Variants in CYP11B1 observed in about 807,000 individuals in gnomAD.
The protein encoded by CYP11B1 is cytochrome P450 11B1, mitochondrial.
Under a neutral mutation model 48.3 loss-of-function variants are expected in CYP11B1, and 34 were observed. The observed-to-expected ratio is 0.70, with a 90% CI of 0.54 to 0.94. The LOEUF is 0.94. Ranked by LOEUF, CYP11B1 falls within the 40% of genes least tolerant of loss-of-function variation. CYP11B1 has a pLI of 0.00. For synonymous variants in CYP11B1, 291 were observed against 262.5 expected, an observed-to-expected ratio of 1.11 and a Z score of -1.05; for missense variants, 688 against 657.4, an observed-to-expected ratio of 1.05 and a Z score of -0.51.
In CYP11B1 at chr8:142,876,287, G is replaced by A. The variant is rs1554652916; in HGVS notation, c.908C>T (p.Ala303Val). The change falls in exon 5 of 9, where the codon GCC (alanine) becomes GTC (valine). Residue 303 changes from alanine to valine, a missense_variant. Physicochemically the swap from Ala to Val is moderately conservative, Grantham distance 64. Transcript: ENST00000292427. ...LLLNAELSPD[A>V]IKANSMELTA... ...GAGTTCCATAGAGTTGGCCTTGATGGCATCTGGCGACAGTTCCGCATTCAA... is the reference window on the plus strand; with the variant it reads ...GAGTTCCATAGAGTTGGCCTTGATGACATCTGGCGACAGTTCCGCATTCAA... The A allele has an allele frequency of 3.1e-6, 5 of 1,614,230 alleles. No homozygotes were observed. Among genetic ancestry groups the A allele is most frequent in the Non-Finnish European group, 3.4e-6 (4 of 1,180,040 alleles).
At chr8:142,877,764 CAG>C (rs1563870080) in intron 2 of CYP11B1, 1 of 1,597,998 alleles carries the variant, frequency 6.3e-7, no homozygotes, top group South Asian at 1.1e-5. Context: ...CACCTACAGC[CAG>C]AGTGCGTGGG....
chr8:142,879,090 G>C lies in CYP11B1; in HGVS notation c.337C>G (p.Leu113Val). Reference protein sequence around the residue: ...VDSLHPHRMSLEPWVAYRQHR... With the variant: ...VDSLHPHRMSVEPWVAYRQHR... ...TGTCTGTAGGCCACCCAGGGCTCCA[G>C]GCTCATCCTGTGGGGATGCAGGCTG... The change falls in exon 2 of 9, where the codon CTG (leucine) becomes GTG (valine). Residue 113 changes from leucine to valine, a missense_variant. Transcript: ENST00000292427. The C allele has an allele frequency of 6.2e-7, 1 of 1,614,022 alleles. No individual in the cohort carries two copies. Among genetic ancestry groups the C allele is most frequent in the Non-Finnish European group, 8.5e-7 (1 of 1,179,874 alleles).
At chr8:142,876,083 A>G in intron 5 of CYP11B1, 158 bp downstream of exon 5, 2 of 1,208,314 alleles carry the variant, frequency 1.7e-6, no homozygotes, top group Non-Finnish European at 2.4e-6. Context: ...AACCATGGCA[A>G]CCTGCAAACG....
intron 6 of CYP11B1, 60 bp downstream of exon 6, chr8:142,875,652 A>G (rs1435015109): frequency 6.3e-7 from 1 of 1,584,056 alleles, no homozygotes; most frequent in African/African-American, 1.3e-5. Flanking sequence ...GCCACCACCC[A>G]GTGGGGGCTG....
In CYP11B1 at chr8:142,873,679, A is replaced by G. The variant is rs5303; in HGVS notation, c.*694T>C. ...CAGCACAGGAAGCAGAGGACCCAAC[A>G]CCCACTCCTGGAACAAGGCCTGGTC... On this transcript the variant is annotated 3_prime_UTR_variant, in exon 9 of 9. Coordinates refer to ENST00000292427, the MANE Select transcript of CYP11B1 (RefSeq NM_000497.4). 0.66 allele frequency: 101,026 copies of G among 154,022 alleles called. 33,973 individuals carry two copies. Among genetic ancestry groups the G allele is most frequent in the East Asian group, 0.85 (4,382 of 5,172 alleles). The allele number at this position is 154,022 out of a possible 1,614,324, so 9.5% of individuals were successfully genotyped here. A position where few individuals can be genotyped will look rare whatever the true frequency, so the allele number is the denominator to read the frequency against.
Position 142,874,411 on chromosome 8 carries a change from T to C in CYP11B1, c.1474A>G (p.Ser492Gly). Residue 492 changes from serine to glycine, a missense_variant, in exon 9 of 9, where the codon AGC becomes GGC. Ser to Gly is a moderately conservative substitution (Grantham distance 56, BLOSUM62 0). Transcript: ENST00000292427. ...KMVYSFILRP[S>G]MFPLLTFRAI... ...CTGAAGGTGAGGAGGGGGAACATGCTGGGCCTCAATATGAAGCTGTAGACC... is the reference window on the plus strand; with the variant it reads ...CTGAAGGTGAGGAGGGGGAACATGCCGGGCCTCAATATGAAGCTGTAGACC... 2 of 1,614,044 alleles carry C rather than the reference T, an allele frequency of 1.2e-6. No homozygotes were observed. The highest frequency in any genetic ancestry group is 1.7e-6 in the Non-Finnish European group (2 of 1,179,934).
chr8:142,875,065 G>A lies in CYP11B1; in HGVS notation c.1290C>T (p.Asp430=). 1 of 1,614,272 alleles carries A rather than the reference G, an allele frequency of 6.2e-7. No individual in the cohort carries two copies. The highest frequency in any genetic ancestry group is 8.5e-7 in the Non-Finnish European group (1 of 1,180,046). Residue 430 remains aspartate, a synonymous_variant, in exon 8 of 9, where the codon GAC becomes GAT. Coordinates refer to ENST00000292427, the MANE Select transcript of CYP11B1 (RefSeq NM_000497.4). ...PERYNPQRWL[D]IRGSGRNFYH... Reference sequence around the variant, plus strand: ...AGAAGTTCCTGCCGGAGCCCCTGATGTCTAGCCAGCGCTGGGGGTTATAGC... The same window carrying A: ...AGAAGTTCCTGCCGGAGCCCCTGATATCTAGCCAGCGCTGGGGGTTATAGC...
chr8:142,875,811 C>T lies in CYP11B1; in HGVS notation c.1022G>A (p.Arg341His), dbSNP rs1304494959. Residue 341 changes from arginine (R) to histidine (H), a missense_variant, in exon 6 of 9, where the codon CGC (arginine) becomes CAC (histidine). Arg to His is a conservative substitution (Grantham distance 29). Transcript: ENST00000292427. Reference protein sequence around the residue: ...ARNPNVQQALRQESLAAAASI... With the variant: ...ARNPNVQQALHQESLAAAASI... ...GGCTGCGGCGGCCAGGCTCTCCTGG[C>T]GCAGGGCCTGCTGCACGTTGGGGTT... is the stretch of plus-strand genomic sequence containing the variant. 49 of 1,613,918 alleles carry T rather than the reference C, an allele frequency of 3.0e-5. No homozygotes were observed. The highest frequency in any genetic ancestry group is 4.4e-5 in the South Asian group (4 of 91,074).
chr8:142,879,033 G>A lies in CYP11B1; in HGVS notation c.394C>T (p.Leu132=), dbSNP rs5285. The A allele has an allele frequency of 3.5e-5, 56 of 1,614,108 alleles. No homozygotes were observed. The highest frequency in any genetic ancestry group is 2.3e-4 in the South Asian group (21 of 91,064). Residue 132 remains leucine (L), a splice_region_variant and synonymous_variant, in exon 2 of 9, where the codon CTG becomes TTG. Coordinates refer to ENST00000292427, the MANE Select transcript of CYP11B1 (RefSeq NM_000497.4). The stretch of plus-strand genomic sequence containing the variant: ...CCCAGCTCTCAGCTCGCCGCTTACA[G>A]CAAGAACACGCCACATTTGTGCCCA... ...HRGHKCGVFL[L]NGPEWRFNRL...
In CYP11B1 at chr8:142,874,363, A is replaced by G. The variant is rs772594767; in HGVS notation, c.*10T>C. 2 of 1,600,030 alleles carry G rather than the reference A, an allele frequency of 1.2e-6. No individual in the cohort carries two copies. The highest frequency in any genetic ancestry group is 1.7e-5 in the Admixed American group (1 of 60,008). On this transcript the variant is annotated 3_prime_UTR_variant, in exon 9 of 9. Transcript: ENST00000292427. ...GTGGCCAGGCTGGGACCCTGGGTGCAGAGACGTGATTAGTTGATGGCTCTG... is the reference window on the plus strand; with the variant it reads ...GTGGCCAGGCTGGGACCCTGGGTGCGGAGACGTGATTAGTTGATGGCTCTG...
At chr8:142,874,706 C>G (rs1202227026) in intron 8 of CYP11B1, among the ~76,000 whole-genome samples, 3 of 152,154 alleles carry the variant, frequency 2.0e-5, no homozygotes, top group Middle Eastern at 3.2e-3. Context: ...AGGCTCCACC[C>G]GACTTCCCCA....
At position 142,873,375 on chromosome 8, in the gene CYP11B1, T is replaced by C. The variant is rs1586555633; in HGVS notation, c.*998A>G. On this transcript the variant is annotated 3_prime_UTR_variant, in exon 9 of 9. Transcript: ENST00000292427. ...CACGGGAGCACTGGGGAGTGGCCAGTTCAGGAGGGGTCAACTCTCTCTGCT... is the reference window on the plus strand; with the variant it reads ...CACGGGAGCACTGGGGAGTGGCCAGCTCAGGAGGGGTCAACTCTCTCTGCT... The C allele has an allele frequency of 6.6e-6, 1 of 152,174 alleles. No individual in the cohort carries two copies. The highest frequency in any genetic ancestry group is 1.5e-5 in the Non-Finnish European group (1 of 68,060). The allele number at this position is 152,174 out of a possible 1,614,324, so 9.4% of individuals were successfully genotyped here. A position where few individuals can be genotyped will look rare whatever the true frequency, so the allele number is the denominator to read the frequency against.
At position 142,876,345 on chromosome 8, in the gene CYP11B1, G is replaced by T; in HGVS notation, c.850C>A (p.Gln284Lys). Residue 284 changes from glutamine (Q) to lysine (K), a missense_variant, in exon 5 of 9, where the codon CAA becomes AAA. By Grantham distance (53) the Gln-to-Lys change is moderately conservative (BLOSUM62 1). Transcript: ENST00000292427. Reference protein sequence around the residue: ...IYQELAFSRPQQYTSIVAELL... With the variant: ...IYQELAFSRPKQYTSIVAELL... ...TCCGCCACGATGCTGGTGTACTGTT[G>T]AGGGCGGCTGAAGGCCAGTTCCTGA... The T allele has an allele frequency of 6.2e-7, 1 of 1,614,188 alleles. No individual in the cohort carries two copies. Among genetic ancestry groups the T allele is most frequent in the Non-Finnish European group, 8.5e-7 (1 of 1,180,016 alleles).
Position 142,877,387 on chromosome 8 carries a change from C to T in CYP11B1, c.396-165G>A, listed in dbSNP as rs191976842. On this transcript the variant is annotated intron_variant, in intron 2 of 8. Transcript: ENST00000292427. ...TTCGAGCTGCAGCCTTTTCTCAGAGCGGCCTCCAGGTGCTGGACAAAGGCC... is the reference window on the plus strand; with the variant it reads ...TTCGAGCTGCAGCCTTTTCTCAGAGTGGCCTCCAGGTGCTGGACAAAGGCC... 7.0e-3 allele frequency among the ~76,000 whole-genome samples: 1,060 copies of T among 152,286 alleles called. 9 individuals carry two copies. The highest frequency in any genetic ancestry group is 0.025 in the African/African-American group (1,028 of 41,514).
rs1255243932 is a variant in CYP11B1 at position 142,876,414 on chromosome 8, G to T, written c.800-19C>A. The T allele has an allele frequency of 1.2e-6, 2 of 1,609,438 alleles. No individual in the cohort carries two copies. The highest frequency in any genetic ancestry group is 1.7e-6 in the Non-Finnish European group (2 of 1,177,764). Reference sequence around the variant, plus strand: ...TTGTCGCCTATCCGGGGAGCGGGAGGCAGCCCTCAGACTTTGGTGCTGGGA... The same window carrying T: ...TTGTCGCCTATCCGGGGAGCGGGAGTCAGCCCTCAGACTTTGGTGCTGGGA... On this transcript the variant is annotated intron_variant, in intron 4 of 8. Transcript: ENST00000292427.
chr8:142,879,279 C>T (rs956443432), intron 1 of CYP11B1, 92 bp from the exon 2 acceptor site: 3 of 1,608,812 alleles, frequency 1.9e-6, no homozygotes, highest in African/African-American at 2.7e-5. Flanking sequence ...CCTGTCCACC[C>T]TCCCCTCTCC....
chr8:142,879,478 G>A, intron 1 of CYP11B1, 97 bp downstream of exon 1: 1 of 1,613,980 alleles, frequency 6.2e-7, no homozygotes, highest in Non-Finnish European at 8.5e-7. Context: ...AGAGTGCCGG[G>A]ACCTGCTGGG....
chr8:142,874,935 T>TC, intron 8 of CYP11B1, 22 bp downstream of exon 8: 1 of 1,611,412 alleles, frequency 6.2e-7, no homozygotes, highest in Non-Finnish European at 8.5e-7. Flanking sequence ...CCCAGGCCCC[T>TC]CCCCAGCCCG....
At chr8:142,879,307 A>G in intron 1 of CYP11B1, 120 bp from the exon 2 acceptor site, 1 of 1,606,352 alleles carries the variant, frequency 6.2e-7, no homozygotes, top group Non-Finnish European at 8.5e-7. Context: ...GCGGCTTCAC[A>G]GCTAAAGCCC....
Sources: allele counts gnomAD v4.1 joint callset (sites outside exome capture counted in the v4.1 genomes callset), GRCh38; gene constraint gnomAD v4.1.1; transcripts MANE v1.5; gene names NCBI Gene and HGNC (gene_info 2026-07-23, HGNC 2026-07-21).